ANKS3: variants seen among roughly 807,000 people sequenced by gnomAD.
ANKS3 encodes ankyrin repeat and sterile alpha motif domain containing 3.
A neutral mutation model predicts 80.7 loss-of-function variants in ANKS3; 62 were observed. The observed-to-expected ratio is 0.77, with a 90% CI of 0.63 to 0.95. The LOEUF (loss-of-function observed/expected upper bound fraction) is 0.95, where lower values mean the gene tolerates loss of function less well. Ranked by LOEUF, ANKS3 falls within the 40% of genes least tolerant of loss-of-function variation. ANKS3 has a pLI of 0.00. For missense variants in ANKS3, 1,150 were observed against 883.6 expected, an observed-to-expected ratio of 1.30 and a Z score of -3.82; for synonymous variants, 489 against 355.3, an observed-to-expected ratio of 1.38 and a Z score of -4.23.
intron 6 of ANKS3, among the ~76,000 whole-genome samples, chr16:4,716,847 G>A (rs909793021): frequency 2.6e-5 from 4 of 152,076 alleles, no homozygotes; most frequent in Admixed American, 6.6e-5. Context: ...TCCAGGAGGC[G>A]GAGGTTGCAG....
chr16:4,700,722 G>A (rs1218058220), intron 11 of ANKS3: 9 of 648,580 alleles, frequency 1.4e-5, no homozygotes, highest in East Asian at 1.2e-4. Context: ...GGCTCAGGGA[G>A]GCCAACTCCA....
chr16:4,697,848 T>C, intron 15 of ANKS3, 129 bp downstream of exon 15: 3 of 891,016 alleles, frequency 3.4e-6, no homozygotes, highest in Admixed American at 3.2e-5. Context: ...TCTGGGATCA[T>C]GTGCACACAG....
chr16:4,708,124 T>C (rs573763120), intron 7 of ANKS3, among the ~76,000 whole-genome samples: 16 of 146,580 alleles, frequency 1.1e-4, no homozygotes, highest in African/African-American at 4.0e-4. Flanking sequence ...GAAAAAAATA[T>C]ATATATATAT....
intron 1 of ANKS3, among the ~76,000 whole-genome samples, chr16:4,732,365 G>A (rs1297301112): frequency 1.3e-5 from 2 of 152,156 alleles, no homozygotes; most frequent in Non-Finnish European, 1.5e-5. Flanking sequence ...AAGGCCTCCT[G>A]CAGGGTGAGG....
In ANKS3 at chr16:4,726,913, C is replaced by A. The variant is rs866012763; in HGVS notation, c.369+66G>T. ...ACGAACACCGTGGCCTGCAGTGGTT[C>A]GCATCTCTGTCAGGGTGGCCACGGA... On this transcript the variant is annotated intron_variant, in intron 4 of 17. Coordinates refer to ENST00000304283, the MANE Select transcript of ANKS3 (RefSeq NM_133450.4). 3.5e-5 allele frequency: 57 copies of A among 1,607,322 alleles called. No homozygotes were observed. In the Middle Eastern group the frequency reaches 1.8e-3, roughly 51 times the overall value.
intron 7 of ANKS3, among the ~76,000 whole-genome samples, chr16:4,705,611 C>A (rs1040453328): frequency 1.3e-5 from 2 of 151,938 alleles, no homozygotes; most frequent in African/African-American, 4.8e-5. Flanking sequence ...GTTACAGATG[C>A]GTGCCACCAT....
chr16:4,721,073 A>G (rs1041268174), intron 6 of ANKS3, among the ~76,000 whole-genome samples: 3 of 150,744 alleles, frequency 2.0e-5, no homozygotes, highest in Non-Finnish European at 4.4e-5. Flanking sequence ...TGGGAGGCCA[A>G]GGTGGGCGGA....
At chr16:4,733,129 A>AG (rs1159057832) in intron 1 of ANKS3, among the ~76,000 whole-genome samples, 5 of 150,576 alleles carry the variant, frequency 3.3e-5, no homozygotes, top group Non-Finnish European at 7.4e-5. Flanking sequence ...TACAAAAAAA[A>AG]CAGAATGAAT....
intron 6 of ANKS3, among the ~76,000 whole-genome samples, chr16:4,722,436 C>T (rs1030331230): frequency 2.0e-5 from 3 of 151,690 alleles, no homozygotes; most frequent in South Asian, 2.1e-4. Flanking sequence ...AAAAATTAGC[C>T]GGGATTTTTT....
At position 4,701,134 on chromosome 16, in the gene ANKS3, C is replaced by T. The variant is rs777026174; in HGVS notation, c.1120G>A (p.Asp374Asn). The change falls in exon 11 of 18, where the codon GAC (aspartate) becomes AAC (asparagine). Residue 374 changes from aspartate to asparagine, a missense_variant and splice_region_variant. By Grantham distance (23) the Asp-to-Asn change is conservative. Coordinates refer to ENST00000304283, the MANE Select transcript of ANKS3 (RefSeq NM_133450.4). ...SSEASVESNE[D>N]SDHACKSSAR... Reference sequence around the variant, plus strand: ...GAGCTTTTACAGGCATGATCCGAGTCCTGCAGTGAGAGGCGTGCATCTGAA... The same window carrying T: ...GAGCTTTTACAGGCATGATCCGAGTTCTGCAGTGAGAGGCGTGCATCTGAA... 2 of 1,613,690 alleles carry T rather than the reference C, an allele frequency of 1.2e-6. No homozygotes were observed. Among genetic ancestry groups the T allele is most frequent in the Non-Finnish European group, 8.5e-7 (1 of 1,180,034 alleles).
intron 6 of ANKS3, among the ~76,000 whole-genome samples, chr16:4,719,320 G>A (rs2080964340): frequency 6.6e-6 from 1 of 152,172 alleles, no homozygotes; most frequent in African/African-American, 2.4e-5. Context: ...CAAACAGAGT[G>A]AGACTCTGTC....
At chr16:4,707,326 G>C (rs988674571) in intron 7 of ANKS3, among the ~76,000 whole-genome samples, 2 of 146,562 alleles carry the variant, frequency 1.4e-5, no homozygotes, top group African/African-American at 5.1e-5. Flanking sequence ...CCGTCACCTA[G>C]GCTGGAGTGC....
intron 7 of ANKS3, among the ~76,000 whole-genome samples, chr16:4,707,454 G>T (rs2080258870): frequency 6.6e-6 from 1 of 151,930 alleles, no homozygotes; most frequent in African/African-American, 2.4e-5. Context: ...GCTAATTTGT[G>T]TATTTTGAGT....
At chr16:4,731,774 G>C (rs1387914426) in intron 1 of ANKS3, among the ~76,000 whole-genome samples, 195 bp from the exon 2 acceptor site, 1 of 152,136 alleles carries the variant, frequency 6.6e-6, no homozygotes, top group Non-Finnish European at 1.5e-5. Context: ...GAGAGCTATG[G>C]GGGGAAATAT....
chr16:4,734,165 G>T lies in ANKS3; in HGVS notation c.-298C>A. 1 of 374,074 alleles carries T rather than the reference G, an allele frequency of 2.7e-6. No individual in the cohort carries two copies. The highest frequency in any genetic ancestry group is 3.7e-6 in the Non-Finnish European group (1 of 271,300). 23.2% of individuals were successfully genotyped at this position (374,074 alleles called of 1,614,324 possible). ...CCGCCGCGGAACCCACCTGTGCTGG[G>T]CCTCAGGCCTTGCGCCGCCCTCGGG... is the stretch of plus-strand genomic sequence containing the variant. On this transcript the variant is annotated 5_prime_UTR_variant, in exon 1 of 18. Transcript: ENST00000304283.
At position 4,716,713 on chromosome 16, in the gene ANKS3, G is replaced by C. The variant is rs537149281; in HGVS notation, c.574-2527C>G. Among the ~76,000 whole-genome samples, 315 of 151,734 alleles carry C rather than the reference G, an allele frequency of 2.1e-3. 5 individuals are homozygous for C. The highest frequency in any genetic ancestry group is 7.2e-3 in the African/African-American group (298 of 41,362). ...TGGGTGGATCATAGGTCATGAGTTCGAGACCAGCCTGGGCAATGTGGTGAA... is the reference window on the plus strand; with the variant it reads ...TGGGTGGATCATAGGTCATGAGTTCCAGACCAGCCTGGGCAATGTGGTGAA... On this transcript the variant is annotated intron_variant, in intron 6 of 17. Transcript: ENST00000304283.
In ANKS3 at chr16:4,698,057, C is replaced by T. The variant is rs528300575; in HGVS notation, c.1730G>A (p.Cys577Tyr). The T allele has an allele frequency of 2.5e-5, 40 of 1,606,612 alleles. No homozygotes were observed. The South Asian group carries it at 3.6e-4, about 14-fold the overall frequency. Residue 577 changes from cysteine to tyrosine, a missense_variant, in exon 15 of 18, where the codon TGT (cysteine) becomes TAT (tyrosine). Transcript: ENST00000304283. Reference sequence around the variant, plus strand: ...CACTCGAGATGACAGCTCAGCTTGACAGGCTCTGCCAGACACAGAAACAAA... The same window carrying T: ...CACTCGAGATGACAGCTCAGCTTGATAGGCTCTGCCAGACACAGAAACAAA... Reference protein sequence around the residue: ...AALVLDQLRACQAELSSRVRQ... With the variant: ...AALVLDQLRAYQAELSSRVRQ...
chr16:4,731,320 C>T (rs1037687242), intron 2 of ANKS3, among the ~76,000 whole-genome samples, 192 bp downstream of exon 2: 8 of 152,156 alleles, frequency 5.3e-5, no homozygotes, highest in Admixed American at 4.6e-4. Context: ...CGCTCTGTTG[C>T]CCAGGCTGGA....
chr16:4,728,536 C>G (rs919433584), intron 3 of ANKS3, among the ~76,000 whole-genome samples: 2 of 152,112 alleles, frequency 1.3e-5, no homozygotes, highest in African/African-American at 4.8e-5. Flanking sequence ...CGTCCTAACA[C>G]TATCTTCCTT....
Sources: allele counts gnomAD v4.1 joint callset (sites outside exome capture counted in the v4.1 genomes callset), GRCh38; gene constraint gnomAD v4.1.1; transcripts MANE v1.5; gene names NCBI Gene and HGNC (gene_info 2026-07-23, HGNC 2026-07-21).